REPS1: variants seen among roughly 807,000 people sequenced by gnomAD.
REPS1 encodes ralBP1-associated Eps domain-containing protein 1.
In REPS1, 39 loss-of-function variants were observed where a neutral mutation model predicts 100.9. That is an observed-to-expected ratio of 0.39 (90% CI 0.30 to 0.50). REPS1 has a LOEUF of 0.50. Among genes scored for constraint, REPS1 ranks in the 20% least tolerant of loss-of-function variants. The pLI is 0.86. For missense variants in REPS1, 821 were observed against 968.5 expected (o/e 0.85, Z 2.02); for synonymous variants, 324 against 340.3 (o/e 0.95, Z 0.53).
chr6:138,909,871 A>G (rs990174078), intron 17 of REPS1, among the ~76,000 whole-genome samples: 1 of 152,206 alleles, frequency 6.6e-6, no homozygotes, highest in African/African-American at 2.4e-5. Context: ...ATACACACAC[A>G]GTGTCCAGAA....
intron 18 of REPS1, 69 bp downstream of exon 18, chr6:138,908,599 T>C: frequency 1.3e-6 from 2 of 1,561,282 alleles, no homozygotes; most frequent in Non-Finnish European, 1.8e-6. Context: ...CTGGGCCAGT[T>C]TGATTACTTT....
intron 1 of REPS1, among the ~76,000 whole-genome samples, chr6:138,951,947 T>C (rs1044671187): frequency 6.6e-6 from 1 of 152,230 alleles, no homozygotes; most frequent in Non-Finnish European, 1.5e-5. Flanking sequence ...CACAGTTATC[T>C]GACCATGGGA....
In REPS1 at chr6:138,934,119, A is replaced by C. The variant is rs529578386; in HGVS notation, c.1136-4021T>G. On this transcript the variant is annotated intron_variant, in intron 8 of 19. Coordinates refer to ENST00000450536, the MANE Select transcript of REPS1 (RefSeq NM_001286611.2). ...CTAGAAATAAACTGTACCTCCTTCAACTTTGCTCCAAATAAGTACTCCAAC... is the reference window on the plus strand; with the variant it reads ...CTAGAAATAAACTGTACCTCCTTCACCTTTGCTCCAAATAAGTACTCCAAC... 2.4e-5 allele frequency: 6 copies of C among 252,834 alleles called. 1 individual carries two copies. The highest frequency in any genetic ancestry group is 2.4e-4 in the South Asian group (6 of 25,356). The allele number at this position is 252,834 out of a possible 1,614,324, so 15.7% of individuals were successfully genotyped here. A position where few individuals can be genotyped will look rare whatever the true frequency, so the allele number is the denominator to read the frequency against.
rs1440425118 is a variant in REPS1 at position 138,945,386 on chromosome 6, T to C, written c.475-14A>G. Reference sequence around the variant, plus strand: ...GGATGCAGGTTCCTAGAAAAGAATATTATTTTAAAATTTTAACTTTAAGGA... The same window carrying C: ...GGATGCAGGTTCCTAGAAAAGAATACTATTTTAAAATTTTAACTTTAAGGA... On this transcript the variant is annotated splice_polypyrimidine_tract_variant and intron_variant, in intron 3 of 19. Coordinates refer to ENST00000450536, the MANE Select transcript of REPS1 (RefSeq NM_001286611.2). 1 of 1,591,328 alleles carries C rather than the reference T, an allele frequency of 6.3e-7. No individual in the cohort carries two copies. Among genetic ancestry groups the C allele is most frequent in the Admixed American group, 1.8e-5 (1 of 54,406 alleles).
At chr6:138,952,961 C>G (rs913472567) in intron 1 of REPS1, among the ~76,000 whole-genome samples, 3 of 151,358 alleles carry the variant, frequency 2.0e-5, no homozygotes, top group Non-Finnish European at 2.9e-5. Context: ...TCTCAGCATC[C>G]CAAGTAGCTG....
chr6:138,944,422 CAAAATATA>C, intron 5 of REPS1, 68 bp downstream of exon 5: 1 of 1,489,998 alleles, frequency 6.7e-7, no homozygotes, highest in Non-Finnish European at 9.1e-7. Context: ...TCTGCAACAG[CAAAATATA>C]AAAACAACGA....
intron 14 of REPS1, 89 bp downstream of exon 14, chr6:138,915,769 T>G: frequency 1.0e-6 from 1 of 989,362 alleles, no homozygotes; most frequent in South Asian, 1.4e-5. Flanking sequence ...TTAAAAGACA[T>G]GTAATAGAAA....
At chr6:138,975,907 G>T (rs1304266212) in intron 1 of REPS1, among the ~76,000 whole-genome samples, 1 of 152,146 alleles carries the variant, frequency 6.6e-6, no homozygotes, top group Non-Finnish European at 1.5e-5. Flanking sequence ...CTCAAGAGAG[G>T]TTAAGTACTT....
At chr6:138,907,934 G>A (rs966298039) in intron 18 of REPS1, among the ~76,000 whole-genome samples, 2 of 152,098 alleles carry the variant, frequency 1.3e-5, no homozygotes, top group Admixed American at 6.5e-5. Context: ...AAGAGTTTCT[G>A]TCTCATATTC....
intron 13 of REPS1, chr6:138,916,212 TTTTTTC>T (rs1780370936): frequency 2.9e-6 from 1 of 349,378 alleles, no homozygotes; most frequent in Non-Finnish European, 5.1e-6. Flanking sequence ...CAAAATTTCT[TTTTTTC>T]TTTTTTTTTT....
intron 1 of REPS1, among the ~76,000 whole-genome samples, chr6:138,977,395 G>A (rs867130600): frequency 1.4e-4 from 22 of 152,260 alleles, no homozygotes; most frequent in African/African-American, 2.6e-4. Context: ...GTGTACTGGC[G>A]TGAACACAGC....
At chr6:138,929,956 G>T (rs1192846413) in intron 9 of REPS1, 21 bp downstream of exon 9, 1 of 1,609,548 alleles carries the variant, frequency 6.2e-7, no homozygotes, top group Non-Finnish European at 8.5e-7. Context: ...TTTAATGAAA[G>T]AAAAGGAAAG....
At chr6:138,968,563 A>G (rs1322085348) in intron 1 of REPS1, among the ~76,000 whole-genome samples, 3 of 152,112 alleles carry the variant, frequency 2.0e-5, no homozygotes, top group Non-Finnish European at 4.4e-5. Flanking sequence ...ACCTTCACAA[A>G]TTCTGCCATG....
intron 17 of REPS1, chr6:138,910,997 T>C (rs1338512129): frequency 1.2e-5 from 3 of 246,000 alleles, no homozygotes; most frequent in Non-Finnish European, 1.6e-5. Context: ...AAGACTACAA[T>C]AAAAGAAACT....
chr6:138,931,279 T>G (rs1317036665), intron 8 of REPS1, among the ~76,000 whole-genome samples: 1 of 152,154 alleles, frequency 6.6e-6, no homozygotes, highest in East Asian at 1.9e-4. Flanking sequence ...AGTAAATCCT[T>G]TAAGTTTTAG....
At chr6:138,987,489 G>T in intron 1 of REPS1, 41 bp downstream of exon 1, 1 of 1,509,668 alleles carries the variant, frequency 6.6e-7, no homozygotes, top group Non-Finnish European at 8.9e-7. Context: ...GCCAGTGACT[G>T]CAGGCCTAAG....
Position 138,944,045 on chromosome 6 carries a change from A to G in REPS1, c.754-30T>C, listed in dbSNP as rs753840710. ...AATGAAACATTTTTTCCTCAGTACA[A>G]TATCTACCTACATGATTATATGGAC... is the stretch of plus-strand genomic sequence containing the variant. On this transcript the variant is annotated intron_variant, in intron 5 of 19. Transcript: ENST00000450536. 30 of 1,602,296 alleles carry G rather than the reference A, an allele frequency of 1.9e-5. 1 individual carries two copies. Among genetic ancestry groups the G allele is most frequent in the South Asian group, 9.9e-5 (9 of 90,600 alleles).
At chr6:138,976,087 T>C (rs1184236736) in intron 1 of REPS1, among the ~76,000 whole-genome samples, 2 of 152,330 alleles carry the variant, frequency 1.3e-5, no homozygotes, top group Admixed American at 6.5e-5. Context: ...AGAAAAAATA[T>C]GCATTCTTCT....
rs376768621 is a variant in REPS1 at position 138,960,809 on chromosome 6, C to T, written c.154-12896G>A. Reference sequence around the variant, plus strand: ...CATCAAGAAACTTTTCTAAATGTGACGTATTTTGCTTGTAAAATATTTTAC... The same window carrying T: ...CATCAAGAAACTTTTCTAAATGTGATGTATTTTGCTTGTAAAATATTTTAC... On this transcript the variant is annotated intron_variant, in intron 1 of 19. Coordinates refer to ENST00000450536, the MANE Select transcript of REPS1 (RefSeq NM_001286611.2). Among the ~76,000 whole-genome samples the T allele has an allele frequency of 8.5e-5, 13 of 152,208 alleles. No homozygotes were observed. In the South Asian group the frequency reaches 1.7e-3, roughly 19 times the overall value.
Sources: allele counts gnomAD v4.1 joint callset (sites outside exome capture counted in the v4.1 genomes callset), GRCh38; gene constraint gnomAD v4.1.1; transcripts MANE v1.5; gene names NCBI Gene and HGNC (gene_info 2026-07-23, HGNC 2026-07-21).